The following GFM1 variants were observed in gnomAD, a reference collection of about 807,000 sequenced individuals.
GFM1 encodes G elongation factor mitochondrial 1.
GFM1 carries 62 observed loss-of-function variants against 96.2 expected under a neutral mutation model. That is an observed-to-expected ratio of 0.64 (90% CI 0.53 to 0.80). The LOEUF (loss-of-function observed/expected upper bound fraction) is 0.80, where lower values mean the gene tolerates loss of function less well. GFM1 is among the 30% of genes least tolerant of loss of function. The pLI, the probability that GFM1 is intolerant of heterozygous loss-of-function variation, is 0.00. For synonymous variants in GFM1, 282 were observed against 312.9 expected, an observed-to-expected ratio of 0.90 and a Z score of 1.04; for missense variants, 852 against 916.6, an observed-to-expected ratio of 0.93 and a Z score of 0.91.
intron 7 of GFM1, 94 bp from the exon 8 acceptor site, chr3:158,654,453 C>A: frequency 7.5e-6 from 6 of 800,198 alleles, no homozygotes; most frequent in Non-Finnish European, 1.0e-5. Flanking sequence ...CACACACGTG[C>A]TTTTTCTCAG....
intron 10 of GFM1, among the ~76,000 whole-genome samples, chr3:158,661,729 A>G (rs931761885): frequency 6.6e-6 from 1 of 152,210 alleles, no homozygotes; most frequent in Admixed American, 6.5e-5. Context: ...TGATGAGTAC[A>G]TAGGGTGACA....
At chr3:158,691,111 C>T in intron 16 of GFM1, 28 bp from the exon 17 acceptor site, 1 of 1,525,512 alleles carries the variant, frequency 6.6e-7, no homozygotes, top group Non-Finnish European at 9.1e-7. Flanking sequence ...ATAAGCAGTG[C>T]TAAAATATCT....
At chr3:158,682,208 A>G in intron 14 of GFM1, 51 bp downstream of exon 14, 7 of 1,431,594 alleles carry the variant, frequency 4.9e-6, no homozygotes, top group Non-Finnish European at 6.8e-6. Flanking sequence ...AAAACAGTTT[A>G]TCAGGTATTA....
intron 8 of GFM1, chr3:158,656,048 G>A (rs1329774698): frequency 2.6e-6 from 1 of 383,322 alleles, no homozygotes; most frequent in Non-Finnish European, 5.2e-6. Flanking sequence ...TTGGAGTCAT[G>A]TGTTTTTAGG....
chr3:158,684,389 A>C (rs2108101959), intron 14 of GFM1, 135 bp from the exon 15 acceptor site: 1 of 838,128 alleles, frequency 1.2e-6, no homozygotes, highest in Non-Finnish European at 1.9e-6. Context: ...AACATTTTTA[A>C]AAAATTATTT....
chr3:158,645,823 T>A, intron 2 of GFM1, 42 bp downstream of exon 2: 1 of 1,501,678 alleles, frequency 6.7e-7, no homozygotes, highest in South Asian at 1.1e-5. Context: ...AGAACCAGAT[T>A]TTAATTGTTT....
At chr3:158,651,539 T>A (rs1209711203) in intron 5 of GFM1, among the ~76,000 whole-genome samples, 1 of 152,214 alleles carries the variant, frequency 6.6e-6, no homozygotes, top group Admixed American at 6.5e-5. Flanking sequence ...GTTTAGCGCT[T>A]ACTGCATTAT....
chr3:158,661,208 G>A (rs1413299025), intron 10 of GFM1, among the ~76,000 whole-genome samples: 2 of 152,112 alleles, frequency 1.3e-5, no homozygotes, highest in Admixed American at 1.3e-4. Context: ...AAACTTGGAG[G>A]ATCCACAATC....
At chr3:158,654,837 AAG>A (rs1302235357) in intron 8 of GFM1, among the ~76,000 whole-genome samples, 4 of 152,182 alleles carry the variant, frequency 2.6e-5, no homozygotes, top group Non-Finnish European at 5.9e-5. Context: ...TCTTTGCCTG[AAG>A]AGTGTAAATT....
chr3:158,688,109 C>T (rs74831831), intron 15 of GFM1, among the ~76,000 whole-genome samples: 13 of 152,056 alleles, frequency 8.5e-5, no homozygotes, highest in African/African-American at 1.4e-4. Context: ...CAAATTCTCC[C>T]ATATTCTTGA....
chr3:158,689,315 C>A (rs1053963579), intron 15 of GFM1, among the ~76,000 whole-genome samples: 1 of 152,030 alleles, frequency 6.6e-6, no homozygotes, highest in Non-Finnish European at 1.5e-5. Context: ...AAATTTGAGA[C>A]CTGGACAAAT....
intron 5 of GFM1, 53 bp from the exon 6 acceptor site, chr3:158,652,043 C>T (rs1722336329): frequency 6.8e-6 from 10 of 1,464,524 alleles, no homozygotes; most frequent in Admixed American, 3.4e-5. Flanking sequence ...TTCATTAGTC[C>T]TTCATATATT....
chr3:158,644,850 T>TTTTCAGCACTGAC, intron 1 of GFM1, 135 bp downstream of exon 1: 1 of 761,932 alleles, frequency 1.3e-6, no homozygotes, highest in Non-Finnish European at 2.3e-6. Context: ...TCGTCAGTGC[T>TTTTCAGCACTGAC]GAAAAGCACC....
At chr3:158,681,933 A>G (rs1289571869) in intron 13 of GFM1, 62 bp from the exon 14 acceptor site, 2 of 1,275,916 alleles carry the variant, frequency 1.6e-6, no homozygotes, top group Non-Finnish European at 2.2e-6. Flanking sequence ...TTAAATTAAT[A>G]GGAGTTATTT....
chr3:158,682,441 G>A (rs1239073813), intron 14 of GFM1: 1 of 363,172 alleles, frequency 2.8e-6, no homozygotes, highest in African/African-American at 2.1e-5. Context: ...TAATCAATTT[G>A]TAGTAGTTCT....
chr3:158,672,290 G>C lies in GFM1; in HGVS notation c.1601+5904G>C, dbSNP rs1347696381. On this transcript the variant is annotated intron_variant, in intron 13 of 17. Transcript: ENST00000486715. ...CTGCACCCAAAGGCTGAGACCGCGG[G>C]TGAGTGGAGGGAGCGCAATCCTGAA... The C allele has an allele frequency of 1.9e-6, 3 of 1,598,192 alleles. No homozygotes were observed. The Admixed American group carries it at 5.1e-5, about 27-fold the overall frequency.
chr3:158,689,275 T>C (rs905028712), intron 15 of GFM1, among the ~76,000 whole-genome samples: 1 of 152,224 alleles, frequency 6.6e-6, no homozygotes, highest in South Asian at 2.1e-4. Context: ...TGGCCCAATC[T>C]AGTCCGGAAT....
At chr3:158,649,356 T>C (rs1488718927) in intron 5 of GFM1, 199 bp downstream of exon 5, 1 of 450,546 alleles carries the variant, frequency 2.2e-6, no homozygotes, top group Admixed American at 3.4e-5. Flanking sequence ...GAGACTATGT[T>C]ACTTTTTGGG....
At chr3:158,654,314 A>C (rs537002892) in intron 7 of GFM1, among the ~76,000 whole-genome samples, 1 of 148,362 alleles carries the variant, frequency 6.7e-6, no homozygotes, top group East Asian at 2.0e-4. Flanking sequence ...CCTGAGCTCA[A>C]GTGATCCTCT....
Sources: gnomAD v4.1 joint callset for allele counts (sites outside exome capture counted in the v4.1 genomes callset) on GRCh38, gnomAD v4.1.1 for gene constraint, MANE v1.5 for transcripts, NCBI Gene and HGNC (gene_info 2026-07-23, HGNC 2026-07-21) for gene names.